The following HHLA1 variants were observed in gnomAD, a reference collection of about 807,000 sequenced individuals.
The protein encoded by HHLA1 is HHLA1 neighbor of OC90.
HHLA1 carries 72 observed loss-of-function variants against 69.9 expected under a neutral mutation model. The ratio of observed to expected loss-of-function variants is 1.03; its 90% CI spans 0.85 to 1.25. HHLA1 has a LOEUF of 1.25. HHLA1 is among the 50% of genes most tolerant of loss of function. The pLI, the probability that HHLA1 is intolerant of heterozygous loss-of-function variation, is 0.00. For synonymous variants in HHLA1, 252 were observed against 233.2 expected, an observed-to-expected ratio of 1.08 and a Z score of -0.73; for missense variants, 685 against 642.2, an observed-to-expected ratio of 1.07 and a Z score of -0.72.
intron 3 of HHLA1, among the ~76,000 whole-genome samples, chr8:132,101,931 C>G (rs1824117603): frequency 3.9e-5 from 6 of 152,236 alleles, no homozygotes; most frequent in Admixed American, 3.9e-4. Context: ...TTATGTTGTA[C>G]AGCAGCTCTT....
chr8:132,086,597 C>T (rs1050125153), intron 10 of HHLA1, among the ~76,000 whole-genome samples: 3 of 152,138 alleles, frequency 2.0e-5, no homozygotes, highest in Non-Finnish European at 4.4e-5. Flanking sequence ...CAAAGTGGGA[C>T]AATTAATTGA....
chr8:132,085,890 G>A lies in HHLA1; in HGVS notation c.676+1763C>T, dbSNP rs369913397. Among the ~76,000 whole-genome samples, 904 of 151,340 alleles carry A rather than the reference G, an allele frequency of 6.0e-3. 2 individuals are homozygous for A. The highest frequency in any genetic ancestry group is 0.021 in the African/African-American group (872 of 41,154). ...TGGTGGAATGTCATCAGTTAAGGTG[G>A]GGCAGGGCATATTCACTTCTTTTGT... On this transcript the variant is annotated intron_variant, in intron 10 of 16. Transcript: ENST00000414222.
intron 10 of HHLA1, chr8:132,085,724 G>A (rs1823849236): frequency 6.6e-6 from 1 of 151,406 alleles, no homozygotes; most frequent in African/African-American, 2.4e-5. Context: ...AGTCAAAGGG[G>A]GTTTGTTCTC....
intron 10 of HHLA1, among the ~76,000 whole-genome samples, chr8:132,087,301 A>G (rs1414553185): frequency 6.6e-6 from 1 of 152,170 alleles, no homozygotes; most frequent in Non-Finnish European, 1.5e-5. Flanking sequence ...TGGGGTCACA[A>G]ATTCAAATAT....
At chr8:132,104,436 A>C (rs1824170388) in intron 2 of HHLA1, among the ~76,000 whole-genome samples, 1 of 152,212 alleles carries the variant, frequency 6.6e-6, no homozygotes, top group African/African-American at 2.4e-5. Context: ...GGAAAACAAC[A>C]TTGAATACCT....
intron 15 of HHLA1, 113 bp from the exon 16 acceptor site, chr8:132,066,081 C>T (rs986111358): frequency 2.4e-5 from 10 of 414,176 alleles, no homozygotes; most frequent in African/African-American, 2.1e-4. Context: ...CAATTATTCA[C>T]AGCAAGGAAC....
chr8:132,065,090 T>C (rs1251890388), intron 16 of HHLA1, among the ~76,000 whole-genome samples: 1 of 152,072 alleles, frequency 6.6e-6, no homozygotes, highest in Non-Finnish European at 1.5e-5. Context: ...GGCCAAACTA[T>C]GGGTTTTGGG....
At chr8:132,072,800 G>A (rs747421108) in intron 14 of HHLA1, among the ~76,000 whole-genome samples, 28 of 151,916 alleles carry the variant, frequency 1.8e-4, no homozygotes, top group African/African-American at 5.8e-4. Context: ...GATGTTAACC[G>A]ATAGCAATAT....
chr8:132,092,872 A>G (rs4736403), intron 7 of HHLA1, among the ~76,000 whole-genome samples: 132,287 of 152,238 alleles, frequency 0.87, 58,336 homozygotes, highest in Middle Eastern at 0.95. Context: ...AGGCTATGAG[A>G]ACACAGATCA....
At chr8:132,094,668 G>A (rs1292221394) in intron 7 of HHLA1, among the ~76,000 whole-genome samples, 3 of 152,054 alleles carry the variant, frequency 2.0e-5, no homozygotes, top group Non-Finnish European at 4.4e-5. Flanking sequence ...TTTCCCTCCG[G>A]CTTTCCCCTG....
intron 10 of HHLA1, chr8:132,080,336 A>G: frequency 2.8e-6 from 1 of 357,182 alleles, no homozygotes; most frequent in Non-Finnish European, 5.5e-6. Context: ...CCGAAAAGAG[A>G]GTCAGTGAAG....
chr8:132,075,771 T>C (rs528695783), intron 14 of HHLA1, among the ~76,000 whole-genome samples: 1 of 152,288 alleles, frequency 6.6e-6, no homozygotes, highest in Admixed American at 6.5e-5. Flanking sequence ...CCAAACCACT[T>C]CCACAAACAT....
At chr8:132,068,483 A>G (rs559397128) in intron 15 of HHLA1, among the ~76,000 whole-genome samples, 2 of 152,356 alleles carry the variant, frequency 1.3e-5, no homozygotes, top group South Asian at 4.1e-4. Flanking sequence ...TATTCCTCAC[A>G]TGGACTGGAA....
At chr8:132,098,610 C>A (rs1019475688) in intron 5 of HHLA1, among the ~76,000 whole-genome samples, 9 of 152,048 alleles carry the variant, frequency 5.9e-5, no homozygotes, top group South Asian at 2.1e-4. Flanking sequence ...CACAGGCATG[C>A]ACCACTGCAC....
intron 12 of HHLA1, among the ~76,000 whole-genome samples, 170 bp downstream of exon 12, chr8:132,077,556 G>A (rs1823665799): frequency 6.6e-6 from 1 of 152,184 alleles, no homozygotes; most frequent in African/African-American, 2.4e-5. Context: ...CAGATGGGAA[G>A]AAAGAGGTAG....
chr8:132,078,916 G>GT (rs1823692217), intron 11 of HHLA1, among the ~76,000 whole-genome samples: 1 of 151,448 alleles, frequency 6.6e-6, no homozygotes. Flanking sequence ...TTGTTTGTTT[G>GT]TTTTTTCTGC....
intron 15 of HHLA1, among the ~76,000 whole-genome samples, chr8:132,066,996 G>A (rs1057447812): frequency 6.6e-6 from 1 of 152,152 alleles, no homozygotes; most frequent in Non-Finnish European, 1.5e-5. Context: ...CGATGAATCA[G>A]TGATAAAGGG....
chr8:132,084,771 G>T (rs59335377), intron 10 of HHLA1, among the ~76,000 whole-genome samples: 72 of 151,750 alleles, frequency 4.7e-4, no homozygotes, highest in Non-Finnish European at 9.1e-4. Flanking sequence ...GAAGGGGTGG[G>T]GGTGGTGGTT....
In HHLA1 at chr8:132,079,872, G is replaced by T. The variant is rs755374977; in HGVS notation, c.771C>A (p.Ser257Arg). ...ATCTCAGAGCAGATGCCCAGGGTGTGCTCTGGGTCCAGTGTCCGGGGCTTG... is the reference window on the plus strand; with the variant it reads ...ATCTCAGAGCAGATGCCCAGGGTGTTCTCTGGGTCCAGTGTCCGGGGCTTG... ...PSTSPGHWTQ[S>R]TPWASALRSS... The change falls in exon 11 of 17, where the codon AGC becomes AGA. Residue 257 changes from serine (S) to arginine (R), a missense_variant. Transcript: ENST00000414222. 1 of 1,552,082 alleles carries T rather than the reference G, an allele frequency of 6.4e-7. No individual in the cohort carries two copies. Among genetic ancestry groups the T allele is most frequent in the South Asian group, 1.2e-5 (1 of 84,052 alleles).
Sources: allele counts gnomAD v4.1 joint callset (sites outside exome capture counted in the v4.1 genomes callset), GRCh38; gene constraint gnomAD v4.1.1; transcripts MANE v1.5; gene names NCBI Gene and HGNC (gene_info 2026-07-23, HGNC 2026-07-21).